TTC19: variants seen among roughly 807,000 people sequenced by gnomAD.
TTC19 encodes tetratricopeptide repeat domain 19.
A neutral mutation model predicts 49.5 loss-of-function variants in TTC19; 38 were observed. The ratio of observed to expected loss-of-function variants is 0.77; its 90% CI spans 0.59 to 1.01. TTC19 has a LOEUF of 1.01. Ranked by LOEUF, TTC19 falls within the 50% of genes least tolerant of loss-of-function variation. The pLI is 0.00. For synonymous variants in TTC19, 204 were observed against 185.2 expected, an observed-to-expected ratio of 1.10 and a Z score of -0.83; for missense variants, 475 against 477.7, an observed-to-expected ratio of 0.99 and a Z score of 0.05.
chr17:16,018,573 C>T (rs937288168), intron 7 of TTC19, among the ~76,000 whole-genome samples: 3 of 152,138 alleles, frequency 2.0e-5, no homozygotes, highest in African/African-American at 7.2e-5. Context: ...GTGGTGCAGT[C>T]ATGGCTCACT....
intron 7 of TTC19, among the ~76,000 whole-genome samples, chr17:16,019,965 TAA>T (rs765337283): frequency 1.7e-4 from 19 of 112,228 alleles, no homozygotes; most frequent in Admixed American, 2.8e-4. Flanking sequence ...CATCTCTACT[TAA>T]AAAAAAAAAA....
At chr17:16,035,004 G>A in intron 2 of TTC19, 1 of 1,505,358 alleles carries the variant, frequency 6.6e-7, no homozygotes, top group South Asian at 1.2e-5. Flanking sequence ...TTACCAAAAT[G>A]CTAATGATTA....
intron 3 of TTC19, 54 bp from the exon 4 acceptor site, chr17:16,002,739 A>T: frequency 6.4e-7 from 1 of 1,558,382 alleles, no homozygotes; most frequent in East Asian, 2.2e-5. Flanking sequence ...AAGTTTTGAA[A>T]TAAGTAGGAA....
intron 7 of TTC19, 23 bp downstream of exon 7, chr17:16,006,591 A>G (rs980284116): frequency 2.8e-6 from 4 of 1,442,838 alleles, no homozygotes; most frequent in Non-Finnish European, 3.9e-6. Flanking sequence ...TTATCTGGGC[A>G]TTGCCTTTTC....
At chr17:16,018,409 C>T (rs928210563) in intron 7 of TTC19, among the ~76,000 whole-genome samples, 47 of 152,174 alleles carry the variant, frequency 3.1e-4, no homozygotes, top group African/African-American at 1.0e-3. Flanking sequence ...ATCCCCTCTT[C>T]CATCAGTTTT....
intron 8 of TTC19, among the ~76,000 whole-genome samples, chr17:16,025,879 T>C (rs1164475645): frequency 6.6e-6 from 1 of 152,190 alleles, no homozygotes; most frequent in African/African-American, 2.4e-5. Context: ...ATGAATTATC[T>C]CCATGAAAGG....
intron 2 of TTC19, among the ~76,000 whole-genome samples, chr17:16,035,315 A>AC (rs1974097073): frequency 6.6e-6 from 1 of 152,180 alleles, no homozygotes; most frequent in Non-Finnish European, 1.5e-5. Context: ...GATCCCTCAA[A>AC]CCCTTCTTTA....
At chr17:16,010,690 T>C (rs1971044784) in intron 7 of TTC19, among the ~76,000 whole-genome samples, 1 of 152,014 alleles carries the variant, frequency 6.6e-6, no homozygotes, top group South Asian at 2.1e-4. Context: ...GCCAGGATGG[T>C]CTCGATCTCC....
intron 2 of TTC19, among the ~76,000 whole-genome samples, chr17:16,044,168 C>CAAAAAA (rs34691717): frequency 1.7e-4 from 14 of 82,690 alleles, no homozygotes; most frequent in South Asian, 5.1e-4. Flanking sequence ...GACTCCATCT[C>CAAAAAA]AAAAAAAAAA....
rs1202515220 is a variant in TTC19 at position 16,027,900 on chromosome 17, C to T, written c.*378C>T. Reference sequence around the variant, plus strand: ...AGTTTTTGGTCTGCTGATTTGCTGCCCTGTCTTCTCTTACTTTACTTTATC... The same window carrying T: ...AGTTTTTGGTCTGCTGATTTGCTGCTCTGTCTTCTCTTACTTTACTTTATC... On this transcript the variant is annotated 3_prime_UTR_variant, in exon 10 of 10. Transcript: ENST00000261647. The T allele has an allele frequency of 4.3e-6, 2 of 459,908 alleles. No homozygotes were observed. Among genetic ancestry groups the T allele is most frequent in the Non-Finnish European group, 8.7e-6 (2 of 230,586 alleles). 28.5% of individuals were successfully genotyped at this position (459,908 alleles called of 1,614,324 possible).
Sources: gnomAD v4.1 joint callset for allele counts (sites outside exome capture counted in the v4.1 genomes callset) on GRCh38, gnomAD v4.1.1 for gene constraint, MANE v1.5 for transcripts, NCBI Gene and HGNC (gene_info 2026-07-23, HGNC 2026-07-21) for gene names.